The following CLN5 variants were observed in gnomAD, a reference collection of about 807,000 sequenced individuals.
The protein encoded by CLN5 is CLN5 lysosomal BMP synthase, also known as bis(monoacylglycero)phosphate synthase CLN5.
CLN5 carries 34 observed loss-of-function variants against 36.7 expected under a neutral mutation model. The observed-to-expected ratio is 0.93, with a 90% CI of 0.71 to 1.23. CLN5 has a LOEUF of 1.23. Ranked by LOEUF, CLN5 falls within the 50% of genes most tolerant of loss-of-function variation. The pLI is 0.00. For synonymous variants in CLN5, 151 were observed against 155.1 expected (o/e 0.97, Z 0.20); for missense variants, 427 against 439.4 (o/e 0.97, Z 0.25).
intron 1 of CLN5, 56 bp downstream of exon 1, chr13:76,992,327 ATGGGGTGC>A: frequency 1.7e-6 from 1 of 599,426 alleles, no homozygotes. Context: ...ACGATGGGGG[ATGGGGTGC>A]TGGGGCGGGG....
At chr13:76,997,143 G>T (rs851516) in intron 3 of CLN5, 127,661 of 151,440 alleles carry the variant, frequency 0.84, 54,173 homozygotes, top group Middle Eastern at 0.89. Context: ...CCGCCTTTTT[G>T]TTGTTGTTGT....
chr13:77,001,027 G>A lies in CLN5; in HGVS notation c.*58G>A. On this transcript the variant is annotated 3_prime_UTR_variant, in exon 4 of 4. Coordinates refer to ENST00000377453, the MANE Select transcript of CLN5 (RefSeq NM_006493.4). ...ATCACCAGCATCTGTTTTTCAGGGG[G>A]TGATTTTACTTTTGTGAATTCCTTA... 1 of 1,493,680 alleles carries A rather than the reference G, an allele frequency of 6.7e-7. No homozygotes were observed. The highest frequency in any genetic ancestry group is 2.3e-5 in the East Asian group (1 of 44,046). The allele number at this position is 1,493,680 out of a possible 1,614,324, so 92.5% of individuals were successfully genotyped here. A position where few individuals can be genotyped will look rare whatever the true frequency, so the allele number is the denominator to read the frequency against.
chr13:77,000,938 C>A lies in CLN5; in HGVS notation c.1046C>A (p.Pro349His). 1 of 1,604,618 alleles carries A rather than the reference C, an allele frequency of 6.2e-7. No homozygotes were observed. Among genetic ancestry groups the A allele is most frequent in the South Asian group, 1.1e-5 (1 of 89,856 alleles). The change falls in exon 4 of 4, where the codon CCT (proline) becomes CAT (histidine). Residue 349 changes from proline to histidine, a missense_variant. Physicochemically the swap from Pro to His is moderately conservative, Grantham distance 77. Coordinates refer to ENST00000377453, the MANE Select transcript of CLN5 (RefSeq NM_006493.4). ...ATAACATATGAAGAAATCCCTTTAC[C>A]TATCAGAAACAAAACACTCTCTGGT... ...IKITYEEIPLPIRNKTLSGL is the reference protein window; with the variant it reads ...IKITYEEIPLHIRNKTLSGL
rs1484302717 is a variant in CLN5, at chr13:76,992,284, G to T, written c.173+13G>T. The stretch of plus-strand genomic sequence containing the variant: ...CGGTGCCCTACAAGTGAGTGCGGCG[G>T]CGCGCGCACTGTCGGGGTTGGGGTC... On this transcript the variant is annotated intron_variant, in intron 1 of 3. Transcript: ENST00000377453. The T allele has an allele frequency of 6.5e-7, 1 of 1,550,332 alleles. No individual in the cohort carries two copies. The highest frequency in any genetic ancestry group is 8.7e-7 in the Non-Finnish European group (1 of 1,155,832).
Position 76,996,001 on chromosome 13 carries a change from C to T in CLN5, c.439C>T (p.Pro147Ser). The change falls in exon 3 of 4, where the codon CCC becomes TCC. Residue 147 changes from proline (P) to serine (S), a missense_variant. Physicochemically the swap from Pro to Ser is moderately conservative, Grantham distance 74. Coordinates refer to ENST00000377453, the MANE Select transcript of CLN5 (RefSeq NM_006493.4). ...ELFQLGNCTF[P>S]HLRPEMDAPF... ...TTTCCAACTTGGCAACTGTACATTT[C>T]CCCATCTCCGACCTGAAATGGATGC... is the stretch of plus-strand genomic sequence containing the variant. 1 of 1,614,152 alleles carries T rather than the reference C, an allele frequency of 6.2e-7. No homozygotes were observed. Among genetic ancestry groups the T allele is most frequent in the East Asian group, 2.2e-5 (1 of 44,884 alleles).
At chr13:76,994,200 C>T (rs556865751) in intron 1 of CLN5, 1 of 152,298 alleles carries the variant, frequency 6.6e-6, no homozygotes, top group South Asian at 2.1e-4. Flanking sequence ...TGCACATTCT[C>T]CTAGTGACAA....
Position 77,000,755 on chromosome 13 carries a change from TA to T in CLN5, c.868del (p.Arg290AspfsTer17). The T allele has an allele frequency of 6.2e-7, 1 of 1,614,090 alleles. No homozygotes were observed. Among genetic ancestry groups the T allele is most frequent in the Non-Finnish European group, 8.5e-7 (1 of 1,179,982 alleles). The part of the protein sequence containing the change: ...PTGNKTLGLA[I>X]KRFYYPFKPH... Reference sequence around the variant, plus strand: ...GGAAACAAGACTCTTGGTTTAGCCATAAAAAGATTTTATTACCCCTTCAAAC... The same window carrying T: ...GGAAACAAGACTCTTGGTTTAGCCATAAAAGATTTTATTACCCCTTCAAAC... On this transcript the variant is annotated frameshift_variant, in exon 4 of 4. Transcript: ENST00000377453. LOFTEE classifies it high-confidence loss of function.
At position 77,004,262 on chromosome 13, in the gene CLN5, T is replaced by G. The variant is rs922752420; in HGVS notation, c.*3293T>G. The G allele has an allele frequency of 6.6e-6, 1 of 152,206 alleles. No homozygotes were observed. The highest frequency in any genetic ancestry group is 2.4e-5 in the African/African-American group (1 of 41,462). 9.4% of individuals were successfully genotyped at this position (152,206 alleles called of 1,614,324 possible). Reference sequence around the variant, plus strand: ...TTATAGTTCCTGTAAGATGTTTTATTTTTTAAATAGTTGGCAGGCTATACA... The same window carrying G: ...TTATAGTTCCTGTAAGATGTTTTATGTTTTAAATAGTTGGCAGGCTATACA... On this transcript the variant is annotated 3_prime_UTR_variant, in exon 4 of 4. Coordinates refer to ENST00000377453, the MANE Select transcript of CLN5 (RefSeq NM_006493.4).
At position 77,004,985 on chromosome 13, in the gene CLN5, A is replaced by G. The variant is rs1246683412; in HGVS notation, c.*4016A>G. On this transcript the variant is annotated 3_prime_UTR_variant, in exon 4 of 4. Coordinates refer to ENST00000377453, the MANE Select transcript of CLN5 (RefSeq NM_006493.4). ...ATTCTATGTCTAAATAATCTGTTTT[A>G]TAAGTTCTCATTCTGAATGCAGAAA... 6.6e-6 allele frequency: 1 copy of G among 152,188 alleles called. No individual in the cohort carries two copies. The highest frequency in any genetic ancestry group is 2.1e-4 in the South Asian group (1 of 4,830). 9.4% of individuals were successfully genotyped at this position (152,188 alleles called of 1,614,324 possible). A position where few individuals can be genotyped will look rare whatever the true frequency, so the allele number is the denominator to read the frequency against.
intron 1 of CLN5, 26 bp downstream of exon 1, chr13:76,992,297 C>CGGGGTT: frequency 8.5e-7 from 1 of 1,177,304 alleles, no homozygotes; most frequent in Non-Finnish European, 1.1e-6. Context: ...CGCGCACTGT[C>CGGGGTT]GGGGTTGGGG....
chr13:76,995,310 T>C, intron 2 of CLN5, 82 bp downstream of exon 2: 1 of 1,240,222 alleles, frequency 8.1e-7, no homozygotes, highest in South Asian at 1.2e-5. Flanking sequence ...TAATCACTAT[T>C]TAGATGGCTG....
Position 77,003,410 on chromosome 13 carries a change from T to G in CLN5, c.*2441T>G, listed in dbSNP as rs995651179. ...TCAGGTAACTACAGCACAGACAGCA[T>G]TAACATTTACAAAAGTATTTCTTAA... On this transcript the variant is annotated 3_prime_UTR_variant, in exon 4 of 4. Coordinates refer to ENST00000377453, the MANE Select transcript of CLN5 (RefSeq NM_006493.4). The G allele has an allele frequency of 2.0e-5, 3 of 152,216 alleles. No individual in the cohort carries two copies. Among genetic ancestry groups the G allele is most frequent in the Non-Finnish European group, 1.5e-5 (1 of 68,040 alleles). The allele number at this position is 152,216 out of a possible 1,614,324, so 9.4% of individuals were successfully genotyped here.
At position 77,001,055 on chromosome 13, in the gene CLN5, C is replaced by T; in HGVS notation, c.*86C>T. 1 of 1,214,462 alleles carries T rather than the reference C, an allele frequency of 8.2e-7. No individual in the cohort carries two copies. Among genetic ancestry groups the T allele is most frequent in the Non-Finnish European group, 1.2e-6 (1 of 847,754 alleles). The allele number at this position is 1,214,462 out of a possible 1,614,324, so 75.2% of individuals were successfully genotyped here. On this transcript the variant is annotated 3_prime_UTR_variant, in exon 4 of 4. Coordinates refer to ENST00000377453, the MANE Select transcript of CLN5 (RefSeq NM_006493.4). ...ATTTTACTTTTGTGAATTCCTTAGC[C>T]TTTCTTCCTTGGTGCATAAAGTTAA...
intron 3 of CLN5, 81 bp downstream of exon 3, chr13:76,996,208 T>C: frequency 8.4e-7 from 1 of 1,196,378 alleles, no homozygotes; most frequent in Non-Finnish European, 1.2e-6. Context: ...CATTGAAACA[T>C]TTCAGTAATG....
chr13:77,000,162 C>G (rs1286761983), intron 3 of CLN5: 2 of 159,800 alleles, frequency 1.3e-5, no homozygotes, highest in African/African-American at 2.4e-5. Context: ...GAATTTGAGA[C>G]CAGCCTGGGC....
At chr13:76,999,402 C>A (rs1243224153) in intron 3 of CLN5, 1 of 152,148 alleles carries the variant, frequency 6.6e-6, no homozygotes. Context: ...TGGTCTAGTA[C>A]AAGATGGTAG....
Position 76,995,221 on chromosome 13 carries a change from G to A in CLN5, c.332G>A (p.Gly111Glu), listed in dbSNP as rs2034245183. The change falls in exon 2 of 4, where the codon GGA becomes GAA. Residue 111 changes from glycine to glutamate, a missense_variant. By Grantham distance (98) the Gly-to-Glu change is moderately conservative. Transcript: ENST00000377453. ...VWEFKYGDLLGHLKIMHDAIG... is the reference protein window; with the variant it reads ...VWEFKYGDLLEHLKIMHDAIG... ...GAATTTAAATATGGAGACCTCCTGGGACACTTGGTAAGGATGCATCTTGGT... is the reference window on the plus strand; with the variant it reads ...GAATTTAAATATGGAGACCTCCTGGAACACTTGGTAAGGATGCATCTTGGT... 2.5e-6 allele frequency: 4 copies of A among 1,614,022 alleles called. No homozygotes were observed. The highest frequency in any genetic ancestry group is 3.4e-6 in the Non-Finnish European group (4 of 1,179,946).
At chr13:77,000,362 G>C in intron 3 of CLN5, 96 bp from the exon 4 acceptor site, 1 of 1,191,362 alleles carries the variant, frequency 8.4e-7, no homozygotes, top group Non-Finnish European at 1.2e-6. Flanking sequence ...TCTAGCCTCG[G>C]CAACAGAGGG....
chr13:76,992,619 T>A, intron 1 of CLN5: 1 of 395,160 alleles, frequency 2.5e-6, no homozygotes, highest in Non-Finnish European at 4.6e-6. Flanking sequence ...ACACTGTCTA[T>A]CGCATTTATT....
Sources: allele counts gnomAD v4.1 joint callset, GRCh38; gene constraint gnomAD v4.1.1; transcripts MANE v1.5; gene names NCBI Gene and HGNC (gene_info 2026-07-23, HGNC 2026-07-21).